The following HOXA3 variants were observed in gnomAD, a reference collection of about 807,000 sequenced individuals.
HOXA3 encodes the protein homeobox A3.
Under a neutral mutation model 30.3 loss-of-function variants are expected in HOXA3, and 8 were observed. The ratio of observed to expected loss-of-function variants is 0.26; its 90% confidence interval spans 0.15 to 0.48. The LOEUF (loss-of-function observed/expected upper bound fraction) is 0.48. Among genes scored for constraint, HOXA3 ranks in the 20% least tolerant of loss-of-function variants. The pLI, the probability that HOXA3 is intolerant of heterozygous loss-of-function variation, is 0.99. For synonymous variants in HOXA3, 323 were observed against 273.1 expected (o/e 1.18, Z -1.80); for missense variants, 653 against 614.4 (o/e 1.06, Z -0.66).
At chr7:27,120,049 T>A (rs1375048871) in intron 4 of HOXA3, among the ~76,000 whole-genome samples, 1 of 151,982 alleles carries the variant, frequency 6.6e-6, no homozygotes, top group Non-Finnish European at 1.5e-5. Flanking sequence ...AAGAACTCAC[T>A]CCTCTCATTC....
chr7:27,151,815 G>A, intron 1 of HOXA3: 1 of 381,516 alleles, frequency 2.6e-6, no homozygotes, highest in South Asian at 1.9e-5. Context: ...ACCTTCCCAG[G>A]TCAAGGATGG....
chr7:27,123,605 T>C (rs1191443381), intron 3 of HOXA3: 1 of 152,372 alleles, frequency 6.6e-6, no homozygotes, highest in African/African-American at 2.4e-5. Flanking sequence ...TACAGACCTA[T>C]CCCTGCCCCG....
chr7:27,107,984 G>A lies in HOXA3; in HGVS notation c.1263C>T (p.Tyr421=), dbSNP rs534977529. The change falls in exon 6 of 6, where the codon TAC becomes TAT. Residue 421 remains tyrosine, a synonymous_variant. Transcript: ENST00000612286. ...GPGPGEPHPT[Y]TDLTGHHPSQ... is the part of the protein sequence containing the mutation. ...AAGGATGGTGGCCGGTAAGGTCCGTGTAGGTGGGGTGCGGCTCCCCAGGCC... is the reference window on the plus strand; with the variant it reads ...AAGGATGGTGGCCGGTAAGGTCCGTATAGGTGGGGTGCGGCTCCCCAGGCC... 9.3e-6 allele frequency: 15 copies of A among 1,611,314 alleles called. No homozygotes were observed. The African/African-American group carries it at 1.2e-4, about 13-fold the overall frequency.
intron 2 of HOXA3, chr7:27,133,935 GC>G (rs1785640189): frequency 6.6e-6 from 1 of 152,194 alleles, no homozygotes; most frequent in Non-Finnish European, 1.5e-5. Flanking sequence ...CTTGGACTTT[GC>G]GCTTCTAAAA....
chr7:27,145,254 C>G (rs1782709854), intron 1 of HOXA3: 3 of 197,710 alleles, frequency 1.5e-5, no homozygotes, highest in Non-Finnish European at 3.1e-5. Flanking sequence ...CGAAACGGGG[C>G]TCGGCCCAGG....
chr7:27,139,891 C>T (rs1338588782), intron 2 of HOXA3, among the ~76,000 whole-genome samples, 192 bp downstream of exon 2: 1 of 152,146 alleles, frequency 6.6e-6, no homozygotes, highest in Non-Finnish European at 1.5e-5. Context: ...CGGCCACAGG[C>T]GCTGCTCACT....
At chr7:27,143,661 T>C in intron 1 of HOXA3, 2 of 1,542,800 alleles carry the variant, frequency 1.3e-6, no homozygotes, top group Non-Finnish European at 8.7e-7. Context: ...TGTGCGTCTA[T>C]AGCACCCTTG....
intron 4 of HOXA3, among the ~76,000 whole-genome samples, chr7:27,118,404 A>C: frequency 6.6e-6 from 1 of 152,336 alleles, no homozygotes; most frequent in Admixed American, 6.5e-5. Flanking sequence ...TTATGTGCTC[A>C]CGTGGTCATA....
intron 2 of HOXA3, chr7:27,130,365 G>A: frequency 8.8e-7 from 1 of 1,139,320 alleles, no homozygotes; most frequent in Non-Finnish European, 1.1e-6. Context: ...CTGGGCCCTT[G>A]GCTTGCGCCG....
chr7:27,142,792 T>C, intron 1 of HOXA3: 1 of 425,750 alleles, frequency 2.3e-6, no homozygotes, highest in South Asian at 7.1e-5. Flanking sequence ...TCCAGAGGGG[T>C]TTTTTGCTTC....
chr7:27,132,794 T>C (rs1031280188), intron 2 of HOXA3, among the ~76,000 whole-genome samples: 1 of 152,190 alleles, frequency 6.6e-6, no homozygotes, highest in Admixed American at 6.5e-5. Context: ...TAGACATACG[T>C]ATTACAAATC....
Position 27,140,175 on chromosome 7 carries a change from G to T in HOXA3, c.-482C>A, listed in dbSNP as rs1021530256. On this transcript the variant is annotated 5_prime_UTR_variant, in exon 2 of 6. Coordinates refer to ENST00000612286, the MANE Select transcript of HOXA3 (RefSeq NM_153631.3). ...AAATTGACAGTTTGAATGGCCAGGC[G>T]GCACACGTAGCCTGCAAAAGAGTCA... 1.3e-5 allele frequency: 2 copies of T among 152,114 alleles called. No homozygotes were observed. Among genetic ancestry groups the T allele is most frequent in the African/African-American group, 4.8e-5 (2 of 41,398 alleles). 9.4% of individuals were successfully genotyped at this position (152,114 alleles called of 1,614,324 possible).
intron 2 of HOXA3, among the ~76,000 whole-genome samples, chr7:27,136,954 G>A (rs1007298864): frequency 6.6e-6 from 1 of 152,094 alleles, no homozygotes. Flanking sequence ...CCATTGACTA[G>A]AAGGAAACTC....
intron 2 of HOXA3, chr7:27,130,035 G>A (rs1785455059): frequency 1.4e-6 from 2 of 1,457,398 alleles, no homozygotes; most frequent in Middle Eastern, 1.8e-4. Context: ...CCCTTCCCCT[G>A]AGCCTCTCCC....
chr7:27,127,639 C>T (rs1251334246), intron 2 of HOXA3, among the ~76,000 whole-genome samples: 3 of 152,158 alleles, frequency 2.0e-5, no homozygotes, highest in Non-Finnish European at 4.4e-5. Flanking sequence ...TTGTAGGGAA[C>T]TCCCTGCAGT....
At chr7:27,110,073 G>A (rs775929469) in intron 5 of HOXA3, 42 bp downstream of exon 5, 50 of 1,613,162 alleles carry the variant, frequency 3.1e-5, no homozygotes, top group Non-Finnish European at 4.1e-5. Context: ...TGGGGACCAG[G>A]AGCCAGGCCA....
intron 1 of HOXA3, among the ~76,000 whole-genome samples, chr7:27,146,939 G>A (rs189582888): frequency 2.6e-5 from 4 of 152,310 alleles, no homozygotes; most frequent in East Asian, 1.9e-4. Flanking sequence ...CAGTGACGCA[G>A]TGCAAAAGGC....
chr7:27,130,692 C>T, intron 2 of HOXA3: 2 of 1,608,794 alleles, frequency 1.2e-6, no homozygotes, highest in Non-Finnish European at 8.5e-7. Flanking sequence ...GGAACTTGGG[C>T]TCGATGTAGT....
At chr7:27,127,727 G>A (rs2107063) in intron 2 of HOXA3, among the ~76,000 whole-genome samples, 122,840 of 152,090 alleles carry the variant, frequency 0.81, 50,307 homozygotes, top group Non-Finnish European at 0.88. Flanking sequence ...CAGCCTTTTG[G>A]ATCTAGATCT....
Sources: gnomAD v4.1 joint callset for allele counts (sites outside exome capture counted in the v4.1 genomes callset) on GRCh38, gnomAD v4.1.1 for gene constraint, MANE v1.5 for transcripts, NCBI Gene and HGNC (gene_info 2026-07-23, HGNC 2026-07-21) for gene names.